The following FAM91A1 variants were observed in gnomAD, a reference collection of about 807,000 sequenced individuals.
FAM91A1 encodes protein FAM91A1.
In FAM91A1, 41 loss-of-function variants were observed where a neutral mutation model predicts 113.5. That is an observed-to-expected ratio of 0.36 (90% confidence interval 0.28 to 0.47). The LOEUF is 0.47. FAM91A1 is among the 20% of genes least tolerant of loss of function. The pLI, the probability that FAM91A1 is intolerant of heterozygous loss-of-function variation, is 1.00. For synonymous variants in FAM91A1, 307 were observed against 347.9 expected (o/e 0.88, Z 1.31); for missense variants, 696 against 1,001.2 (o/e 0.70, Z 4.11).
intron 1 of FAM91A1, among the ~76,000 whole-genome samples, chr8:123,772,750 G>A (rs1814885514): frequency 6.6e-6 from 1 of 152,096 alleles, no homozygotes; most frequent in Non-Finnish European, 1.5e-5. Context: ...ACTACTAATA[G>A]CCTATAACTG....
intron 18 of FAM91A1, 63 bp from the exon 19 acceptor site, chr8:123,805,204 T>C (rs1815773054): frequency 1.6e-6 from 2 of 1,275,276 alleles, no homozygotes. Context: ...TTATTTACTT[T>C]TGAATATCAG....
intron 8 of FAM91A1, among the ~76,000 whole-genome samples, chr8:123,781,304 G>A (rs558478588): frequency 2.6e-5 from 4 of 152,190 alleles, no homozygotes; most frequent in Admixed American, 2.6e-4. Context: ...AAATTTCAGA[G>A]AATGACCCTA....
intron 14 of FAM91A1, among the ~76,000 whole-genome samples, chr8:123,788,637 AC>A (rs1815314027): frequency 6.6e-6 from 1 of 151,694 alleles, no homozygotes; most frequent in African/African-American, 2.4e-5. Context: ...TTATTTGTTA[AC>A]CCCATTTCTT....
At chr8:123,796,190 C>T (rs1399667260) in intron 15 of FAM91A1, among the ~76,000 whole-genome samples, 1 of 152,110 alleles carries the variant, frequency 6.6e-6, no homozygotes, top group Non-Finnish European at 1.5e-5. Flanking sequence ...ACCTTTAAGG[C>T]TTTTTACACA....
chr8:123,810,350 A>G lies in FAM91A1; in HGVS notation c.2330A>G (p.Gln777Arg). The G allele has an allele frequency of 6.2e-7, 1 of 1,613,398 alleles. No individual in the cohort carries two copies. Among genetic ancestry groups the G allele is most frequent in the Non-Finnish European group, 8.5e-7 (1 of 1,179,716 alleles). Residue 777 changes from glutamine (Q) to arginine (R), a missense_variant and splice_region_variant, in exon 23 of 24, where the codon CAG (glutamine) becomes CGG (arginine). Physicochemically the swap from Gln to Arg is conservative, Grantham distance 43. Transcript: ENST00000334705. ...LQVLNFVHSF[Q>R]EGASILDIHT... is the part of the protein sequence containing the mutation. ...GTCCTTAACTTTGTTCACTCATTCC[A>G]GGTAACAAAAACCAAAAAGTCCAAA...
In FAM91A1 at chr8:123,774,847, T is replaced by C. The variant is rs1159549163; in HGVS notation, c.158-300T>C. Among the ~76,000 whole-genome samples the C allele has an allele frequency of 6.6e-5, 10 of 152,208 alleles. No homozygotes were observed. The East Asian group carries it at 1.7e-3, about 26-fold the overall frequency. On this transcript the variant is annotated intron_variant, in intron 2 of 23. Transcript: ENST00000334705. ...TTGGCTCTCTTGTAAGGTAGTAGAA[T>C]ACAATTCAATAAAGCTCTGTTTTGT...
intron 18 of FAM91A1, among the ~76,000 whole-genome samples, chr8:123,802,756 GA>G (rs907828852): frequency 1.3e-5 from 2 of 152,194 alleles, no homozygotes; most frequent in Non-Finnish European, 2.9e-5. Context: ...ACTTAAGTCA[GA>G]CTGCCTAAAC....
chr8:123,786,327 CTTG>C (rs1251282811), intron 11 of FAM91A1, among the ~76,000 whole-genome samples, 165 bp from the exon 12 acceptor site: 3 of 152,046 alleles, frequency 2.0e-5, no homozygotes, highest in East Asian at 1.9e-4. Flanking sequence ...GTTAAGAACC[CTTG>C]TTGTATGTAG....
intron 15 of FAM91A1, among the ~76,000 whole-genome samples, chr8:123,795,648 T>C (rs1483685379): frequency 1.3e-5 from 2 of 152,196 alleles, no homozygotes; most frequent in Non-Finnish European, 2.9e-5. Context: ...TATTTCTTTA[T>C]AGCAATGCAA....
intron 15 of FAM91A1, among the ~76,000 whole-genome samples, chr8:123,791,755 A>G (rs1426889745): frequency 2.0e-5 from 3 of 152,242 alleles, no homozygotes; most frequent in Non-Finnish European, 1.5e-5. Context: ...TTCTCAATGC[A>G]TGAAAAAGGT....
chr8:123,784,275 C>T (rs945220972), intron 8 of FAM91A1, among the ~76,000 whole-genome samples, 195 bp from the exon 9 acceptor site: 2 of 152,120 alleles, frequency 1.3e-5, no homozygotes, highest in East Asian at 1.9e-4. Context: ...CTGTGGATTT[C>T]GTGTCTACCT....
chr8:123,801,851 G>T (rs994892481), intron 18 of FAM91A1, among the ~76,000 whole-genome samples: 1 of 151,626 alleles, frequency 6.6e-6, no homozygotes, highest in Non-Finnish European at 1.5e-5. Flanking sequence ...TGCCCAGCAC[G>T]GTGCTTGGGT....
At chr8:123,775,361 G>T in intron 3 of FAM91A1, 63 bp downstream of exon 3, 1 of 1,561,232 alleles carries the variant, frequency 6.4e-7, no homozygotes, top group East Asian at 2.3e-5. Context: ...GGGACTTTTT[G>T]CAGATGTTCA....
In FAM91A1 at chr8:123,786,559, C is replaced by A. The variant is rs1815263350; in HGVS notation, c.1027C>A (p.Gln343Lys). 6.2e-7 allele frequency: 1 copy of A among 1,613,972 alleles called. No individual in the cohort carries two copies. The highest frequency in any genetic ancestry group is 8.5e-7 in the Non-Finnish European group (1 of 1,180,002). The change falls in exon 12 of 24, where the codon CAA becomes AAA. Residue 343 changes from glutamine to lysine, a missense_variant. Transcript: ENST00000334705. ...TGGAGGGGAAAGTAGGAGTCCTGTA[C>A]AAGAAGCTTCATCGGCAACTGACAC... ...WDGGESRSPV[Q>K]EASSATDTDT...
chr8:123,772,889 T>C (rs540107161), intron 1 of FAM91A1, among the ~76,000 whole-genome samples: 1 of 152,324 alleles, frequency 6.6e-6, no homozygotes, highest in Non-Finnish European at 1.5e-5. Flanking sequence ...CATAATATTT[T>C]CTAGTCATTA....
chr8:123,785,822 T>G, intron 11 of FAM91A1, 81 bp downstream of exon 11: 1 of 768,748 alleles, frequency 1.3e-6, no homozygotes, highest in Non-Finnish European at 2.0e-6. Context: ...AATTTATTTA[T>G]TTATTTATTT....
At chr8:123,784,231 G>A (rs1170581100) in intron 8 of FAM91A1, among the ~76,000 whole-genome samples, 1 of 152,132 alleles carries the variant, frequency 6.6e-6, no homozygotes, top group East Asian at 1.9e-4. Flanking sequence ...ACCTGTCTCA[G>A]TAACTCTGAG....
In FAM91A1 at chr8:123,798,212, C is replaced by T. The variant is rs755737414; in HGVS notation, c.1534C>T (p.Arg512Trp). The change falls in exon 16 of 24, where the codon CGG becomes TGG. Residue 512 changes from arginine (R) to tryptophan (W), a missense_variant. Transcript: ENST00000334705. ...VSMAPLTNEI[R>W]PVSSCTPQHI... ...CATGGCTCCCCTCACCAATGAAATCCGGCCTGTCAGCAGCTGCACCCCTCA... is the reference window on the plus strand; with the variant it reads ...CATGGCTCCCCTCACCAATGAAATCTGGCCTGTCAGCAGCTGCACCCCTCA... 3.1e-5 allele frequency: 50 copies of T among 1,613,822 alleles called. No individual in the cohort carries two copies. Among genetic ancestry groups the T allele is most frequent in the Middle Eastern group, 3.3e-4 (2 of 6,082 alleles).
At chr8:123,800,010 C>T (rs549882572) in intron 18 of FAM91A1, 125 bp downstream of exon 18, 2 of 835,958 alleles carry the variant, frequency 2.4e-6, no homozygotes, top group Non-Finnish European at 3.6e-6. Flanking sequence ...TGTAAAAAAT[C>T]AGAGATATGG....
Sources: allele counts gnomAD v4.1 joint callset (sites outside exome capture counted in the v4.1 genomes callset), GRCh38; gene constraint gnomAD v4.1.1; transcripts MANE v1.5; gene names NCBI Gene and HGNC (gene_info 2026-07-23, HGNC 2026-07-21).